Variants in SLC17A1 observed in about 807,000 individuals in gnomAD.
SLC17A1 encodes the protein solute carrier family 17 member 1.
A neutral mutation model predicts 53.5 loss-of-function variants in SLC17A1; 51 were observed. The observed-to-expected ratio is 0.95, with a 90% CI of 0.76 to 1.20. SLC17A1 has a LOEUF of 1.20. Ranked by LOEUF, SLC17A1 falls within the 50% of genes most tolerant of loss-of-function variation. SLC17A1 has a pLI of 0.00. For missense variants in SLC17A1, 538 were observed against 568.2 expected, an observed-to-expected ratio of 0.95 and a Z score of 0.54; for synonymous variants, 179 against 198.8, an observed-to-expected ratio of 0.90 and a Z score of 0.84.
At chr6:25,829,882 T>C (rs1764885677) in intron 2 of SLC17A1, among the ~76,000 whole-genome samples, 1 of 152,132 alleles carries the variant, frequency 6.6e-6, no homozygotes, top group Admixed American at 6.6e-5. Context: ...AAAACATATA[T>C]ATATAAACTT....
downstream of SLC17A1, among the ~76,000 whole-genome samples, chr6:25,778,333 C>T (rs1274200768): frequency 6.6e-6 from 1 of 151,520 alleles, no homozygotes; most frequent in Non-Finnish European, 1.5e-5. Context: ...GAATGACTTT[C>T]CTGTGGTTTT....
chr6:25,728,763 G>A, the SLC17A1 span, among the ~76,000 whole-genome samples: 2 of 152,190 alleles, frequency 1.3e-5, no homozygotes, highest in Non-Finnish European at 2.9e-5. Flanking sequence ...GCAGTGAGCC[G>A]AGATCGCCCC....
Position 25,819,751 on chromosome 6 carries a change from G to A in SLC17A1, c.372C>T (p.Leu124=). ...CTCCAATTCCAGCTGCTGGTGGGAT[G>A]AGCAGGCTTAACACAGAGCTGAGGC... The part of the protein sequence containing the change: ...ALCLSSVLSL[L]IPPAAGIGVA... The change falls in exon 4 of 13, where the codon CTC becomes CTT. Residue 124 remains leucine, a synonymous_variant. Transcript: ENST00000244527. 2 of 1,614,178 alleles carry A rather than the reference G, an allele frequency of 1.2e-6. No individual in the cohort carries two copies. Among genetic ancestry groups the A allele is most frequent in the South Asian group, 1.1e-5 (1 of 91,076 alleles).
chr6:25,819,781 T>C lies in SLC17A1; in HGVS notation c.342A>G (p.Ala114=). ...IYSTKKMIGF[A]LCLSSVLSLL... is the part of the protein sequence containing the mutation. ...GGCTTAACACAGAGCTGAGGCATAA[T>C]GCAAAGCCAATCATTTTCTTTGTAG... Residue 114 remains alanine, a synonymous_variant, in exon 4 of 13, where the codon GCA becomes GCG. Coordinates refer to ENST00000244527, the MANE Select transcript of SLC17A1 (RefSeq NM_005074.5). The C allele has an allele frequency of 6.2e-7, 1 of 1,614,206 alleles. No homozygotes were observed. Among genetic ancestry groups the C allele is most frequent in the Non-Finnish European group, 8.5e-7 (1 of 1,180,014 alleles).
At chr6:25,798,223 A>G (rs950764315) in intron 12 of SLC17A1, among the ~76,000 whole-genome samples, 6 of 152,308 alleles carry the variant, frequency 3.9e-5, no homozygotes, top group African/African-American at 4.8e-5. Context: ...AAATTATTCT[A>G]CAAAGAGACA....
chr6:25,727,504 G>A, the SLC17A1 span, among the ~76,000 whole-genome samples: 1 of 150,542 alleles, frequency 6.6e-6, no homozygotes, highest in Non-Finnish European at 1.5e-5. Context: ...CCATTCTCCT[G>A]CCTCAGCCTC....
chr6:25,724,232 T>C, the SLC17A1 span, among the ~76,000 whole-genome samples: 10 of 152,246 alleles, frequency 6.6e-5, no homozygotes, highest in Admixed American at 5.9e-4. Context: ...GAGACCAGCC[T>C]GGCCAACATG....
the SLC17A1 span, among the ~76,000 whole-genome samples, chr6:25,758,696 T>C: frequency 0.029 from 4,375 of 152,328 alleles, 142 homozygotes; most frequent in African/African-American, 0.084. Context: ...CCTTGGTTAG[T>C]GTCGCTGATG....
At chr6:25,734,857 A>G in the SLC17A1 span, among the ~76,000 whole-genome samples, 1 of 152,250 alleles carries the variant, frequency 6.6e-6, no homozygotes, top group East Asian at 1.9e-4. Context: ...TGATTAGACA[A>G]ATCTTTAAAA....
chr6:25,777,026 T>C, the SLC17A1 span: 10 of 1,511,688 alleles, frequency 6.6e-6, no homozygotes, highest in Admixed American at 2.1e-5. Flanking sequence ...AAATCTACTC[T>C]GATGTGAAAG....
chr6:25,829,833 A>G (rs1764882780), intron 2 of SLC17A1, among the ~76,000 whole-genome samples: 1 of 152,184 alleles, frequency 6.6e-6, no homozygotes. Context: ...TCTAAAAGGA[A>G]TTAAATGCAT....
chr6:25,825,437 T>A (rs1448297130), intron 3 of SLC17A1, among the ~76,000 whole-genome samples: 1 of 151,702 alleles, frequency 6.6e-6, no homozygotes, highest in Non-Finnish European at 1.5e-5. Flanking sequence ...TGGCAGGGGT[T>A]TTCTTTCTTT....
chr6:25,814,719 C>T (rs1764274593), intron 6 of SLC17A1, among the ~76,000 whole-genome samples: 1 of 152,160 alleles, frequency 6.6e-6, no homozygotes, highest in African/African-American at 2.4e-5. Context: ...CATGGTGGCT[C>T]ACGCCTGTAA....
At chr6:25,816,564 C>T (rs182761859) in intron 6 of SLC17A1, among the ~76,000 whole-genome samples, 13 of 152,216 alleles carry the variant, frequency 8.5e-5, no homozygotes, top group East Asian at 3.8e-4. Flanking sequence ...CTAGGGCAAG[C>T]GCCCTCTGGC....
chr6:25,774,860 C>T, the SLC17A1 span, among the ~76,000 whole-genome samples: 1 of 152,218 alleles, frequency 6.6e-6, no homozygotes, highest in Non-Finnish European at 1.5e-5. Context: ...CCTTGACAGC[C>T]TCGGCTTACG....
intron 3 of SLC17A1, among the ~76,000 whole-genome samples, chr6:25,823,932 G>T (rs896651536): frequency 4.6e-5 from 7 of 151,652 alleles, no homozygotes; most frequent in African/African-American, 1.2e-4. Flanking sequence ...CTTAAAATTA[G>T]CAGTAGGTAG....
At chr6:25,816,918 G>A (rs1764378775) in intron 6 of SLC17A1, among the ~76,000 whole-genome samples, 1 of 149,246 alleles carries the variant, frequency 6.7e-6, no homozygotes, top group Non-Finnish European at 1.5e-5. Context: ...CACGATCTTG[G>A]CTCACTGCAA....
the SLC17A1 span, chr6:25,726,646 A>C: frequency 2.3e-6 from 3 of 1,286,078 alleles, no homozygotes; most frequent in Non-Finnish European, 3.2e-6. Flanking sequence ...CGTCTACCCA[A>C]TCAGAAAGTC....
intron 3 of SLC17A1, among the ~76,000 whole-genome samples, chr6:25,822,701 T>A (rs190320849): frequency 6.6e-6 from 1 of 152,226 alleles, no homozygotes; most frequent in African/African-American, 2.4e-5. Flanking sequence ...TGAGTAGCCA[T>A]TTCTCTAGAA....
Sources: gnomAD v4.1 joint callset for allele counts (sites outside exome capture counted in the v4.1 genomes callset) on GRCh38, gnomAD v4.1.1 for gene constraint, MANE v1.5 for transcripts, NCBI Gene and HGNC (gene_info 2026-07-23, HGNC 2026-07-21) for gene names.